NECTIN3: variants seen among roughly 807,000 people sequenced by gnomAD.
NECTIN3 encodes nectin-3.
In NECTIN3, 8 loss-of-function variants were observed where a neutral mutation model predicts 49.4. The observed-to-expected ratio is 0.16, with a 90% CI of 0.10 to 0.29. The LOEUF (loss-of-function observed/expected upper bound fraction) is 0.29, where lower values mean the gene tolerates loss of function less well. Ranked by LOEUF, NECTIN3 falls within the 10% of genes least tolerant of loss-of-function variation. The pLI, the probability that NECTIN3 is intolerant of heterozygous loss-of-function variation, is 1.00. For missense variants in NECTIN3, 581 were observed against 654.6 expected (o/e 0.89, Z 1.23); for synonymous variants, 277 against 241.1 (o/e 1.15, Z -1.38).
At chr3:111,085,235 A>G (rs1207017531) in intron 1 of NECTIN3, among the ~76,000 whole-genome samples, 1 of 152,196 alleles carries the variant, frequency 6.6e-6, no homozygotes, top group Non-Finnish European at 1.5e-5. Flanking sequence ...CACAGACACT[A>G]GAGGTGAGGG....
intron 7 of NECTIN3, among the ~76,000 whole-genome samples, chr3:111,168,844 A>C (rs1180907586): frequency 6.6e-6 from 1 of 152,208 alleles, no homozygotes; most frequent in Non-Finnish European, 1.5e-5. Context: ...TATGTCTGGC[A>C]CACATTAGGC....
intron 7 of NECTIN3, among the ~76,000 whole-genome samples, chr3:111,162,182 T>C (rs2035227181): frequency 6.6e-6 from 1 of 152,140 alleles, no homozygotes; most frequent in Admixed American, 6.5e-5. Flanking sequence ...TACATAGACC[T>C]TGAAAATTAA....
At chr3:111,123,688 C>T (rs2034045543) in intron 4 of NECTIN3, among the ~76,000 whole-genome samples, 1 of 152,110 alleles carries the variant, frequency 6.6e-6, no homozygotes, top group South Asian at 2.1e-4. Flanking sequence ...TTCTGAGGTA[C>T]AGTGAGTTGA....
At chr3:111,141,214 C>G (rs1015641611), downstream of NECTIN3, among the ~76,000 whole-genome samples, 36 of 151,970 alleles carry the variant, frequency 2.4e-4, no homozygotes, top group African/African-American at 7.9e-4. Context: ...GGGGCTATTA[C>G]AAATGAAGAA....
At chr3:111,080,000 A>T (rs571187603) in intron 1 of NECTIN3, among the ~76,000 whole-genome samples, 1 of 152,186 alleles carries the variant, frequency 6.6e-6, no homozygotes, top group South Asian at 2.1e-4. Context: ...GTATACTAGT[A>T]CAGTGCCAAA....
chr3:111,131,833 T>C (rs1161713897), intron 5 of NECTIN3, among the ~76,000 whole-genome samples: 1 of 151,836 alleles, frequency 6.6e-6, no homozygotes, highest in Non-Finnish European at 1.5e-5. Flanking sequence ...TAAAGAACCA[T>C]GAAAAACTTT....
At chr3:111,101,139 C>T (rs183000242) in intron 1 of NECTIN3, among the ~76,000 whole-genome samples, 25 of 152,208 alleles carry the variant, frequency 1.6e-4, no homozygotes, top group Non-Finnish European at 3.1e-4. Context: ...TCTTCCTGTT[C>T]TAAAGTTTTG....
At chr3:111,105,285 C>T (rs1022375469) in intron 1 of NECTIN3, among the ~76,000 whole-genome samples, 1 of 151,800 alleles carries the variant, frequency 6.6e-6, no homozygotes, top group Non-Finnish European at 1.5e-5. Context: ...TGGGGTGAGC[C>T]ACCATGCCTG....
chr3:111,145,991 A>G (rs1449112081), intron 6 of NECTIN3, among the ~76,000 whole-genome samples: 1 of 152,034 alleles, frequency 6.6e-6, no homozygotes, highest in East Asian at 1.9e-4. Context: ...AATGAGCCTC[A>G]TTTTTTTCAC....
intron 1 of NECTIN3, among the ~76,000 whole-genome samples, chr3:111,109,911 A>G (rs185996281): frequency 3.9e-5 from 6 of 151,972 alleles, no homozygotes; most frequent in Admixed American, 2.0e-4. Context: ...CATAGCTTCT[A>G]TTTTTTCAAG....
At chr3:111,133,150 ATAT>A (rs1177169396) in intron 5 of NECTIN3, among the ~76,000 whole-genome samples, 1 of 151,950 alleles carries the variant, frequency 6.6e-6, no homozygotes, top group Non-Finnish European at 1.5e-5. Context: ...AAAATAAACC[ATAT>A]TATTAATAGG....
intron 7 of NECTIN3, among the ~76,000 whole-genome samples, chr3:111,168,164 TA>T (rs563726271): frequency 3.4e-4 from 52 of 152,174 alleles, no homozygotes; most frequent in African/African-American, 9.9e-4. Context: ...AACAGCCAGA[TA>T]AGGGGAAAAA....
At chr3:111,143,692 T>C (rs1456547435) in intron 5 of NECTIN3, among the ~76,000 whole-genome samples, 1 of 151,974 alleles carries the variant, frequency 6.6e-6, no homozygotes, top group African/African-American at 2.4e-5. Context: ...ATTATGTCAA[T>C]TTAAGTAAAA....
chr3:111,097,269 T>C (rs1178405531), intron 1 of NECTIN3, among the ~76,000 whole-genome samples: 1 of 152,214 alleles, frequency 6.6e-6, no homozygotes, highest in African/African-American at 2.4e-5. Flanking sequence ...GTCTTTCATT[T>C]GGAATGGCTG....
chr3:111,099,237 C>T (rs962551966), intron 1 of NECTIN3, among the ~76,000 whole-genome samples: 1 of 152,158 alleles, frequency 6.6e-6, no homozygotes, highest in Admixed American at 6.6e-5. Flanking sequence ...TTTTCTTACT[C>T]TACACACTTC....
chr3:111,123,040 T>C (rs2034019684), intron 4 of NECTIN3, among the ~76,000 whole-genome samples: 1 of 152,012 alleles, frequency 6.6e-6, no homozygotes, highest in African/African-American at 2.4e-5. Context: ...TTTTTAAATT[T>C]TCCATTGACT....
chr3:111,166,267 C>T (rs1234190936), intron 7 of NECTIN3, among the ~76,000 whole-genome samples: 8 of 152,108 alleles, frequency 5.3e-5, no homozygotes, highest in East Asian at 1.9e-4. Flanking sequence ...AGCTCAAGCA[C>T]GTCACATAAC....
At chr3:111,161,781 G>A (rs2035217234) in intron 7 of NECTIN3, among the ~76,000 whole-genome samples, 1 of 152,192 alleles carries the variant, frequency 6.6e-6, no homozygotes, top group Admixed American at 6.5e-5. Flanking sequence ...GGGGGACAAA[G>A]TTAACAGGTG....
chr3:111,102,756 T>C (rs1308016575), intron 1 of NECTIN3, among the ~76,000 whole-genome samples: 2 of 152,198 alleles, frequency 1.3e-5, no homozygotes, highest in African/African-American at 4.8e-5. Flanking sequence ...TGCTGTGTTG[T>C]CTTCTAGGGT....
Sources: allele counts gnomAD v4.1 joint callset (sites outside exome capture counted in the v4.1 genomes callset), GRCh38; gene constraint gnomAD v4.1.1; transcripts MANE v1.5; gene names NCBI Gene and HGNC (gene_info 2026-07-23, HGNC 2026-07-21).